The following USP9X variants were observed in gnomAD, a reference collection of about 807,000 sequenced individuals.
USP9X encodes ubiquitin specific peptidase 9 X-linked, also known as ubiquitin carboxyl-terminal hydrolase 9X.
In USP9X, 7 loss-of-function variants were observed where a neutral mutation model predicts 190.3. The observed-to-expected ratio is 0.04, with a 90% confidence interval of 0.02 to 0.07. USP9X has a LOEUF of 0.07. Ranked by LOEUF, USP9X falls within the 10% of genes least tolerant of loss-of-function variation. USP9X has a pLI of 1.00. For missense variants in USP9X, 1,010 were observed against 1,916.9 expected, an observed-to-expected ratio of 0.53 and a Z score of 8.83; for synonymous variants, 645 against 659.5, an observed-to-expected ratio of 0.98 and a Z score of 0.34.
At chrX:41,185,619 GT>G (rs1277062727) in intron 23 of USP9X, among the ~76,000 whole-genome samples, 1 of 109,286 alleles carries the variant, frequency 9.2e-6, no homozygotes, top group Non-Finnish European at 1.9e-5. Flanking sequence ...ATTTTATATT[GT>G]TTTGTATCAC....
chrX:41,162,838 G>A lies in USP9X; in HGVS notation c.1946G>A (p.Ser649Asn), dbSNP rs1402551092. ...ACTGTGAGGCTGGGAAGTAGATATA[G>A]TCATGTTCAAGAAGTTCAAGAACGG... is the stretch of plus-strand genomic sequence containing the variant. ...PQTVRLGSRY[S>N]HVQEVQERLN... is the part of the protein sequence containing the mutation. The change falls in exon 15 of 45, where the codon AGT (serine) becomes AAT (asparagine). Residue 649 changes from serine (S) to asparagine (N), a missense_variant. Physicochemically the swap from Ser to Asn is conservative, Grantham distance 46. This residue lies in a region of USP9X where 104 missense variants were observed against 239.8 expected (regional missense o/e 0.43). Coordinates refer to ENST00000378308, the MANE Select transcript of USP9X (RefSeq NM_001039591.3). 8.3e-7 allele frequency: 1 copy of A among 1,209,608 alleles called. No individual in the cohort carries two copies. Among genetic ancestry groups the A allele is most frequent in the Non-Finnish European group, 1.1e-6 (1 of 894,417 alleles).
At chrX:41,126,521 C>G (rs908213693) in intron 2 of USP9X, among the ~76,000 whole-genome samples, 3 of 111,733 alleles carry the variant, frequency 2.7e-5, no homozygotes, top group Non-Finnish European at 5.6e-5. Flanking sequence ...AGACAAAAAT[C>G]AAACCTTTAA....
intron 1 of USP9X, among the ~76,000 whole-genome samples, chrX:41,109,921 A>G (rs777040393): frequency 8.9e-6 from 1 of 112,033 alleles, no homozygotes; most frequent in Non-Finnish European, 1.9e-5. Context: ...ACCTTTGAGC[A>G]AAGGCCACAT....
Position 41,197,351 on chromosome X carries a change from C to CCCCCGGGGG in USP9X, c.4234-12_4234-11insCCCGGGGGC. On this transcript the variant is annotated splice_polypyrimidine_tract_variant and intron_variant, in intron 28 of 44. Transcript: ENST00000378308. ...TTTCTTCCCCCCCCCACCCCACCCC[C>CCCCCGGGGG]CGCCTTTGGCAGGATGATGTTAAAA... The CCCCCGGGGG allele has an allele frequency of 1.1e-6, 1 of 939,388 alleles. No homozygotes were observed. The highest frequency in any genetic ancestry group is 1.4e-6 in the Non-Finnish European group (1 of 728,822). 77.4% of individuals were successfully genotyped at this position (939,388 alleles called of 1,213,427 possible).
chrX:41,232,410 A>G lies in USP9X; in HGVS notation c.7551A>G (p.Pro2517=). ...YQQNNHVHGQ[P]YTGPAAHHMN... The stretch of plus-strand genomic sequence containing the variant: ...AGAATAACCATGTGCATGGACAGCC[A>G]TATACAGGCCCAGCAGCACATCACA... The change falls in exon 45 of 45, where the codon CCA becomes CCG. Residue 2517 remains proline (P), a synonymous_variant. Coordinates refer to ENST00000378308, the MANE Select transcript of USP9X (RefSeq NM_001039591.3). 8.3e-7 allele frequency: 1 copy of G among 1,211,301 alleles called. No individual in the cohort carries two copies. The highest frequency in any genetic ancestry group is 1.1e-6 in the Non-Finnish European group (1 of 895,293).
At chrX:41,102,602 G>A (rs1388760004) in intron 1 of USP9X, among the ~76,000 whole-genome samples, 5 of 111,238 alleles carry the variant, frequency 4.5e-5, no homozygotes, top group East Asian at 2.8e-4. Context: ...AAGTCTGGGC[G>A]ACAGAACGAG....
chrX:41,085,798 G>C lies in USP9X; in HGVS notation c.-470G>C. 1 of 298,862 alleles carries C rather than the reference G, an allele frequency of 3.3e-6. No individual in the cohort carries two copies. 24.6% of individuals were successfully genotyped at this position (298,862 alleles called of 1,213,427 possible). A position where few individuals can be genotyped will look rare whatever the true frequency, so the allele number is the denominator to read the frequency against. On this transcript the variant is annotated 5_prime_UTR_variant, in exon 1 of 45. Coordinates refer to ENST00000378308, the MANE Select transcript of USP9X (RefSeq NM_001039591.3). ...GGAGGTGACGCAGGAGAAACGCACC[G>C]CCCGGAGCCCGTCTGAGCTCAGCGA...
intron 30 of USP9X, 150 bp from the exon 31 acceptor site, chrX:41,200,910 A>G (rs1256104444): frequency 7.6e-6 from 4 of 526,681 alleles, no homozygotes; most frequent in Non-Finnish European, 1.2e-5. Flanking sequence ...TGGAAGATGA[A>G]GTGCAAACTC....
At chrX:41,097,889 G>T (rs2062004020) in intron 1 of USP9X, among the ~76,000 whole-genome samples, 2 of 111,778 alleles carry the variant, frequency 1.8e-5, no homozygotes, top group Non-Finnish European at 3.8e-5. Flanking sequence ...TTGAGAACCA[G>T]TGTCTTAGAC....
intron 10 of USP9X, 119 bp from the exon 11 acceptor site, chrX:41,144,403 G>A (rs893492473): frequency 1.4e-5 from 8 of 580,351 alleles, no homozygotes; most frequent in African/African-American, 2.3e-5. Flanking sequence ...ATTTTCTTGT[G>A]TTACATAGTT....
intron 32 of USP9X, among the ~76,000 whole-genome samples, chrX:41,206,852 A>T (rs948302406): frequency 1.8e-5 from 2 of 108,172 alleles, no homozygotes; most frequent in African/African-American, 3.4e-5. Flanking sequence ...ATCTCAGCTC[A>T]CTGCAACCTC....
chrX:41,158,335 A>G (rs2062597354), intron 14 of USP9X, among the ~76,000 whole-genome samples: 1 of 111,509 alleles, frequency 9.0e-6, no homozygotes, highest in Non-Finnish European at 1.9e-5. Flanking sequence ...TGGTGAGAGA[A>G]AAACGAGTCT....
chrX:41,179,962 T>C (rs1202264854), intron 21 of USP9X, among the ~76,000 whole-genome samples: 1 of 111,983 alleles, frequency 8.9e-6, no homozygotes, highest in Non-Finnish European at 1.9e-5. Context: ...TTGCTTCCCC[T>C]TCTGTTTTTA....
At chrX:41,143,832 C>T (rs2062442302) in intron 10 of USP9X, among the ~76,000 whole-genome samples, 1 of 111,538 alleles carries the variant, frequency 9.0e-6, no homozygotes, top group Non-Finnish European at 1.9e-5. Flanking sequence ...AATAATTATT[C>T]CAGAGAATTT....
chrX:41,157,769 C>T (rs112075073), intron 14 of USP9X, among the ~76,000 whole-genome samples: 35 of 111,314 alleles, frequency 3.1e-4, no homozygotes, highest in African/African-American at 1.1e-3. Flanking sequence ...TGTAGACTGA[C>T]GCAGAGACTG....
At chrX:41,207,509 A>G (rs2063113927) in intron 32 of USP9X, among the ~76,000 whole-genome samples, 2 of 112,317 alleles carry the variant, frequency 1.8e-5, no homozygotes, top group Admixed American at 1.9e-4. Context: ...TTTTTAAGTT[A>G]GAAAACTCAG....
chrX:41,225,372 A>G (rs2063303498), intron 41 of USP9X, among the ~76,000 whole-genome samples: 1 of 111,969 alleles, frequency 8.9e-6, no homozygotes, highest in Non-Finnish European at 1.9e-5. Flanking sequence ...TTTCTTTAGA[A>G]TGACTTTTTT....
Position 41,085,652 on chromosome X carries a change from C to T in USP9X, c.-616C>T, listed in dbSNP as rs190296056. On this transcript the variant is annotated 5_prime_UTR_variant, in exon 1 of 45. Coordinates refer to ENST00000378308, the MANE Select transcript of USP9X (RefSeq NM_001039591.3). Reference sequence around the variant, plus strand: ...CACGGGAGGCGGCCGCCTTAGCGCCCGGTGCTTGGGTCGGCGCCGGGAGCG... The same window carrying T: ...CACGGGAGGCGGCCGCCTTAGCGCCTGGTGCTTGGGTCGGCGCCGGGAGCG... The T allele has an allele frequency of 3.2e-3, 936 of 292,531 alleles. 12 individuals are homozygous for T. Among genetic ancestry groups the T allele is most frequent in the African/African-American group, 0.022 (804 of 36,395 alleles). The allele number at this position is 292,531 out of a possible 1,213,427, so 24.1% of individuals were successfully genotyped here. A position where few individuals can be genotyped will look rare whatever the true frequency, so the allele number is the denominator to read the frequency against.
Position 41,151,921 on chromosome X carries a change from C to T in USP9X, c.1763+864C>T, listed in dbSNP as rs1015634845. ...GCTTGAGCCCGGGAGGCAGAGGTTG[C>T]GGTGAGCTGAGATTGCAGCACTGCA... On this transcript the variant is annotated intron_variant, in intron 13 of 44. Transcript: ENST00000378308. Among the ~76,000 whole-genome samples, 9 of 112,379 alleles carry T rather than the reference C, an allele frequency of 8.0e-5. No homozygotes were observed. In the Admixed American group the frequency reaches 8.4e-4, roughly 11 times the overall value.
Sources: allele counts gnomAD v4.1 joint callset (sites outside exome capture counted in the v4.1 genomes callset), GRCh38; gene constraint gnomAD v4.1.1; regional missense constraint gnomAD v4.1.1; transcripts MANE v1.5; gene names NCBI Gene and HGNC (gene_info 2026-07-23, HGNC 2026-07-21).